Variants in ANP32B observed in about 807,000 individuals in gnomAD.
ANP32B encodes acidic nuclear phosphoprotein 32 family member B.
ANP32B carries 6 observed loss-of-function variants against 32.2 expected under a neutral mutation model. That is an observed-to-expected ratio of 0.19 (90% confidence interval 0.10 to 0.37). ANP32B has a LOEUF of 0.37. Among genes scored for constraint, ANP32B ranks in the 10% least tolerant of loss-of-function variants. The pLI is 1.00. For synonymous variants in ANP32B, 98 were observed against 105.8 expected, an observed-to-expected ratio of 0.93 and a Z score of 0.45; for missense variants, 204 against 289.2, an observed-to-expected ratio of 0.71 and a Z score of 2.14.
At chr9:98,012,094 G>A (rs1828195179) in intron 5 of ANP32B, among the ~76,000 whole-genome samples, 1 of 152,112 alleles carries the variant, frequency 6.6e-6, no homozygotes, top group East Asian at 1.9e-4. Context: ...GTATATGAAT[G>A]GGATATAGAA....
chr9:98,010,586 TG>T (rs1202210654), intron 4 of ANP32B, among the ~76,000 whole-genome samples: 1 of 151,846 alleles, frequency 6.6e-6, no homozygotes, highest in Admixed American at 6.6e-5. Context: ...GACTCCAAGG[TG>T]GAGTCAGAGT....
Position 97,984,167 on chromosome 9 carries a change from C to G in ANP32B, c.54+558C>G, listed in dbSNP as rs1348793025. Among the ~76,000 whole-genome samples the G allele has an allele frequency of 2.0e-5, 3 of 150,198 alleles. No individual in the cohort carries two copies. The East Asian group carries it at 6.0e-4, about 30-fold the overall frequency. On this transcript the variant is annotated intron_variant, in intron 1 of 6. Transcript: ENST00000339399. ...CGTGGGGCGAGGAGGGGGCTTTTTTCTTTTGAAGGGAGCGAGAAGCCCCCT... is the reference window on the plus strand; with the variant it reads ...CGTGGGGCGAGGAGGGGGCTTTTTTGTTTTGAAGGGAGCGAGAAGCCCCCT...
chr9:97,991,867 T>C (rs1379474869), intron 1 of ANP32B, among the ~76,000 whole-genome samples: 1 of 152,232 alleles, frequency 6.6e-6, no homozygotes, highest in Non-Finnish European at 1.5e-5. Context: ...CACACTGTGC[T>C]TTCTTAAAAA....
chr9:98,011,360 G>C lies in ANP32B; in HGVS notation c.607G>C (p.Asp203His), dbSNP rs746127276. The C allele has an allele frequency of 1.3e-6, 2 of 1,568,400 alleles. No homozygotes were observed. The highest frequency in any genetic ancestry group is 2.7e-5 in the African/African-American group (2 of 73,916). Residue 203 changes from aspartate (D) to histidine (H), a missense_variant, in exon 5 of 7, where the codon GAT becomes CAT. Transcript: ENST00000339399. ...EDDEDEDVEG[D>H]EDDDEVSEEE... ...TGATGAAGATGAAGATGTAGAAGGGGATGAGGACGACGATGAAGTCAGTGA... is the reference window on the plus strand; with the variant it reads ...TGATGAAGATGAAGATGTAGAAGGGCATGAGGACGACGATGAAGTCAGTGA...
intron 4 of ANP32B, among the ~76,000 whole-genome samples, chr9:98,007,036 G>C (rs1035573085): frequency 4.0e-5 from 6 of 151,830 alleles, no homozygotes; most frequent in African/African-American, 1.5e-4. Flanking sequence ...TGGAGACCAA[G>C]CACCCTGCGT....
chr9:97,995,930 T>TA (rs570340593), intron 2 of ANP32B, among the ~76,000 whole-genome samples: 1,272 of 116,604 alleles, frequency 0.011, 3 homozygotes, highest in African/African-American at 0.021. Flanking sequence ...TGTCTCGATT[T>TA]AAAAAAAAAA....
chr9:98,009,979 T>G (rs1828152155), intron 4 of ANP32B, among the ~76,000 whole-genome samples: 1 of 152,232 alleles, frequency 6.6e-6, no homozygotes, highest in Non-Finnish European at 1.5e-5. Context: ...TTCCAAATGT[T>G]ATGTCCCTTT....
At chr9:97,994,099 T>C (rs895758393) in intron 1 of ANP32B, among the ~76,000 whole-genome samples, 1 of 152,236 alleles carries the variant, frequency 6.6e-6, no homozygotes, top group Non-Finnish European at 1.5e-5. Context: ...TGATTTTTTT[T>C]CCCAGTGTCA....
chr9:98,005,215 A>G (rs972672554), intron 4 of ANP32B, 62 bp downstream of exon 4: 21 of 1,544,056 alleles, frequency 1.4e-5, no homozygotes, highest in Middle Eastern at 1.7e-4. Context: ...GATAAAAGCT[A>G]TTGGATGTTG....
rs1827881029 is a variant in ANP32B, at chr9:97,994,912, T to TTCTA, written c.204+133_204+136dup. 4 of 871,576 alleles carry TTCTA rather than the reference T, an allele frequency of 4.6e-6. No homozygotes were observed. In the East Asian group the frequency reaches 1.2e-4, roughly 25 times the overall value. The allele number at this position is 871,576 out of a possible 1,614,324, so 54.0% of individuals were successfully genotyped here. A position where few individuals can be genotyped will look rare whatever the true frequency, so the allele number is the denominator to read the frequency against. On this transcript the variant is annotated intron_variant, in intron 2 of 6. Coordinates refer to ENST00000339399, the MANE Select transcript of ANP32B (RefSeq NM_006401.3). ...GGAACTGGGCAGATATGGGATTGAA[T>TTCTA]TCTAGCCCTAGCATTTCCTTGATGG...
intron 4 of ANP32B, chr9:98,005,377 TGGTGG>T (rs1191059202): frequency 3.1e-6 from 1 of 319,944 alleles, no homozygotes; most frequent in African/African-American, 2.2e-5. Context: ...TAGCCAGGTG[TGGTGG>T]CGCACACCTG....
intron 4 of ANP32B, among the ~76,000 whole-genome samples, chr9:98,010,451 A>G (rs1253017933): frequency 6.6e-6 from 1 of 152,120 alleles, no homozygotes; most frequent in African/African-American, 2.4e-5. Context: ...AGAATTCTAA[A>G]TAATAATTGC....
chr9:97,998,603 T>A lies in ANP32B; in HGVS notation c.252T>A (p.Ala84=). The A allele has an allele frequency of 6.2e-7, 1 of 1,612,744 alleles. No homozygotes were observed. The highest frequency in any genetic ancestry group is 1.1e-5 in the South Asian group (1 of 90,860). ...NRIFGGLDML[A]EKLPNLTHLN... ...TCTTTGGAGGTCTGGACATGTTAGC[T>A]GAAAAACTTCCAAATCTCACACATC... is the stretch of plus-strand genomic sequence containing the variant. Residue 84 remains alanine, a synonymous_variant, in exon 3 of 7, where the codon GCT becomes GCA. Transcript: ENST00000339399.
chr9:98,006,489 C>T (rs963062963), intron 4 of ANP32B, among the ~76,000 whole-genome samples: 1 of 152,072 alleles, frequency 6.6e-6, no homozygotes, highest in Admixed American at 6.6e-5. Flanking sequence ...TAAAAAACGT[C>T]GCTGGAGAGC....
chr9:98,013,278 C>T (rs774077739), intron 6 of ANP32B, among the ~76,000 whole-genome samples: 20 of 152,202 alleles, frequency 1.3e-4, no homozygotes, highest in African/African-American at 4.1e-4. Flanking sequence ...CCACCCACCT[C>T]GGCCTCCCAA....
At chr9:97,997,221 A>G (rs768345528) in intron 2 of ANP32B, among the ~76,000 whole-genome samples, 1 of 152,210 alleles carries the variant, frequency 6.6e-6, no homozygotes, top group Non-Finnish European at 1.5e-5. Context: ...TTATGGGCTT[A>G]TGTTTTTAAA....
At chr9:98,005,384 G>A (rs550962765) in intron 4 of ANP32B, 143 of 303,514 alleles carry the variant, frequency 4.7e-4, no homozygotes, top group African/African-American at 2.2e-3. Flanking sequence ...GTGTGGTGGC[G>A]CACACCTGGA....
chr9:98,002,156 C>T (rs1305682953), intron 3 of ANP32B: 2 of 152,188 alleles, frequency 1.3e-5, no homozygotes, highest in African/African-American at 4.8e-5. Context: ...TGGCAGTATT[C>T]TTCAGTGGGG....
chr9:98,006,200 A>G (rs1236305961), intron 4 of ANP32B, among the ~76,000 whole-genome samples: 1 of 152,150 alleles, frequency 6.6e-6, no homozygotes, highest in African/African-American at 2.4e-5. Context: ...AGAGATGATA[A>G]TAAATCAATT....
Sources: gnomAD v4.1 joint callset for allele counts (sites outside exome capture counted in the v4.1 genomes callset) on GRCh38, gnomAD v4.1.1 for gene constraint, MANE v1.5 for transcripts, NCBI Gene and HGNC (gene_info 2026-07-23, HGNC 2026-07-21) for gene names.